Variants in OPCML observed in about 807,000 individuals in gnomAD.
OPCML encodes the protein opioid-binding protein/cell adhesion molecule.
A neutral mutation model predicts 37.8 loss-of-function variants in OPCML; 13 were observed. The observed-to-expected ratio is 0.34, with a 90% CI of 0.22 to 0.55. OPCML has a LOEUF of 0.55. OPCML is among the 20% of genes least tolerant of loss of function. The pLI is 0.91. For synonymous variants in OPCML, 176 were observed against 168.8 expected (o/e 1.04, Z -0.33); for missense variants, 341 against 435.6 (o/e 0.78, Z 1.93).
At chr11:133,377,781 T>C (rs1245919443) in intron 1 of OPCML, among the ~76,000 whole-genome samples, 1 of 151,992 alleles carries the variant, frequency 6.6e-6, no homozygotes, top group Non-Finnish European at 1.5e-5. Context: ...CACTAAATTA[T>C]CTCTGTTTGA....
intron 3 of OPCML, among the ~76,000 whole-genome samples, chr11:132,576,275 C>T (rs1374145782): frequency 6.6e-6 from 1 of 151,784 alleles, no homozygotes; most frequent in Non-Finnish European, 1.5e-5. Flanking sequence ...TTCTTTAACA[C>T]CCATAATGCA....
At chr11:132,858,916 CGT>C (rs1355098239) in intron 2 of OPCML, among the ~76,000 whole-genome samples, 7 of 151,932 alleles carry the variant, frequency 4.6e-5, no homozygotes, top group African/African-American at 1.2e-4. Flanking sequence ...ATTGTTTATA[CGT>C]GTGTGTGTGT....
intron 1 of OPCML, among the ~76,000 whole-genome samples, chr11:133,468,124 G>A (rs1369669411): frequency 6.6e-6 from 1 of 152,190 alleles, no homozygotes; most frequent in Admixed American, 6.5e-5. Flanking sequence ...TGAAGTAGAA[G>A]TTTTAAAACA....
At chr11:132,994,547 T>G (rs1946847153) in intron 1 of OPCML, among the ~76,000 whole-genome samples, 3 of 152,242 alleles carry the variant, frequency 2.0e-5, no homozygotes, top group South Asian at 4.1e-4. Flanking sequence ...GTACTGAGTC[T>G]GCTGAAGGCT....
chr11:132,439,308 T>C (rs180906010), intron 4 of OPCML, among the ~76,000 whole-genome samples: 1 of 152,188 alleles, frequency 6.6e-6, no homozygotes, highest in African/African-American at 2.4e-5. Flanking sequence ...TCCTGAATGA[T>C]GCTGCTCACC....
chr11:132,598,918 T>C (rs934015880), intron 3 of OPCML, among the ~76,000 whole-genome samples: 1 of 152,218 alleles, frequency 6.6e-6, no homozygotes, highest in African/African-American at 2.4e-5. Flanking sequence ...AGCTCAGCCC[T>C]GAGTTTTGAG....
At chr11:133,240,927 T>C (rs2136409883) in intron 1 of OPCML, among the ~76,000 whole-genome samples, 1 of 152,372 alleles carries the variant, frequency 6.6e-6, no homozygotes, top group African/African-American at 2.4e-5. Flanking sequence ...AGTCGGTCAC[T>C]ACCCTCTGCC....
intron 1 of OPCML, among the ~76,000 whole-genome samples, chr11:133,483,206 T>G (rs1179069266): frequency 1.3e-5 from 2 of 151,988 alleles, no homozygotes; most frequent in Non-Finnish European, 1.5e-5. Flanking sequence ...GAAATACCAG[T>G]TTGTATCTGG....
chr11:133,092,542 T>C (rs1052359711), intron 1 of OPCML, among the ~76,000 whole-genome samples: 2 of 152,042 alleles, frequency 1.3e-5, no homozygotes, highest in African/African-American at 2.4e-5. Flanking sequence ...CTGGCCAATA[T>C]GGTGAAACCC....
intron 2 of OPCML, among the ~76,000 whole-genome samples, chr11:132,748,938 G>C (rs1235728172): frequency 6.6e-6 from 1 of 152,182 alleles, no homozygotes; most frequent in Non-Finnish European, 1.5e-5. Flanking sequence ...ACATGTTGAT[G>C]TGTTAAATAT....
intron 1 of OPCML, among the ~76,000 whole-genome samples, chr11:132,995,813 A>T (rs1429547862): frequency 1.3e-5 from 2 of 152,214 alleles, no homozygotes; most frequent in Non-Finnish European, 1.5e-5. Flanking sequence ...CCCCAGAGAA[A>T]GTATCAGCTC....
chr11:132,587,496 G>A lies in OPCML; in HGVS notation c.380-58310C>T, dbSNP rs185360846. On this transcript the variant is annotated intron_variant, in intron 3 of 7. Coordinates refer to ENST00000524381, the MANE Select transcript of OPCML (RefSeq NM_001012393.5). ...AGCACATTTACAAGCTGTCCATCACGACTGCAAATGTGCCTCTCCCCCAGC... is the reference window on the plus strand; with the variant it reads ...AGCACATTTACAAGCTGTCCATCACAACTGCAAATGTGCCTCTCCCCCAGC... Among the ~76,000 whole-genome samples, 446 of 152,292 alleles carry A rather than the reference G, an allele frequency of 2.9e-3. 5 individuals are homozygous for A. Among genetic ancestry groups the A allele is most frequent in the Non-Finnish European group, 3.8e-3 (256 of 68,012 alleles).
chr11:133,502,120 C>T (rs1947928433), intron 1 of OPCML, among the ~76,000 whole-genome samples: 1 of 152,172 alleles, frequency 6.6e-6, no homozygotes, highest in Non-Finnish European at 1.5e-5. Flanking sequence ...AGAAGCGTGG[C>T]AGAAAAGAAG....
intron 1 of OPCML, among the ~76,000 whole-genome samples, chr11:133,446,073 C>T (rs1946468605): frequency 6.6e-6 from 1 of 152,158 alleles, no homozygotes; most frequent in Non-Finnish European, 1.5e-5. Context: ...GTATGTTCTG[C>T]TCATTCTGCT....
chr11:133,150,355 G>T (rs527302622), intron 1 of OPCML, among the ~76,000 whole-genome samples: 1 of 152,332 alleles, frequency 6.6e-6, no homozygotes, highest in East Asian at 1.9e-4. Context: ...TGCAGATGAA[G>T]AATCTGAGGT....
At chr11:133,433,468 A>G (rs933431758) in intron 1 of OPCML, among the ~76,000 whole-genome samples, 2 of 152,148 alleles carry the variant, frequency 1.3e-5, no homozygotes, top group African/African-American at 2.4e-5. Flanking sequence ...TTCCTCATGT[A>G]CGTGATGAGC....
At chr11:132,645,319 A>G in intron 3 of OPCML, among the ~76,000 whole-genome samples, 1 of 152,224 alleles carries the variant, frequency 6.6e-6, no homozygotes, top group South Asian at 2.1e-4. Context: ...TGATGTGGCT[A>G]CCAATATCTC....
chr11:133,354,304 ACGTGT>A (rs1944227090), intron 1 of OPCML, among the ~76,000 whole-genome samples: 20 of 9,824 alleles, frequency 2.0e-3, no homozygotes, highest in Non-Finnish European at 1.9e-3. Flanking sequence ...GGTGGTGGTG[ACGTGT>A]TGGTAGTGGT....
chr11:132,513,431 T>G lies in OPCML; in HGVS notation c.505+15630A>C, dbSNP rs528942373. On this transcript the variant is annotated intron_variant, in intron 4 of 7. Coordinates refer to ENST00000524381, the MANE Select transcript of OPCML (RefSeq NM_001012393.5). ...AGATTTTGCTTACATTAATTTTTGT[T>G]TTTGTTTTCTTAGCGGGTGTGATCA... is the stretch of plus-strand genomic sequence containing the variant. 1.6e-3 allele frequency among the ~76,000 whole-genome samples: 237 copies of G among 152,298 alleles called. 2 individuals carry two copies. In the South Asian group the frequency reaches 0.022, roughly 14 times the overall value.
Sources: allele counts gnomAD v4.1 joint callset (sites outside exome capture counted in the v4.1 genomes callset), GRCh38; gene constraint gnomAD v4.1.1; transcripts MANE v1.5; gene names NCBI Gene and HGNC (gene_info 2026-07-23, HGNC 2026-07-21).